The following FMN2 variants were observed in gnomAD, a reference collection of about 807,000 sequenced individuals.
FMN2 encodes formin-2.
A neutral mutation model predicts 142.3 loss-of-function variants in FMN2; 51 were observed. That is an observed-to-expected ratio of 0.36 (90% CI 0.29 to 0.45). The LOEUF (loss-of-function observed/expected upper bound fraction) is 0.45. FMN2 is among the 20% of genes least tolerant of loss of function. The pLI is 1.00. For missense variants in FMN2, 1,936 were observed against 2,122.8 expected, an observed-to-expected ratio of 0.91 and a Z score of 1.73; for synonymous variants, 882 against 869.8, an observed-to-expected ratio of 1.01 and a Z score of -0.25.
rs780698754 is a variant in FMN2, at chr1:240,206,982, G to C, written c.2170G>C (p.Glu724Gln). 18 of 1,614,020 alleles carry C rather than the reference G, an allele frequency of 1.1e-5. No homozygotes were observed. In the South Asian group the frequency reaches 1.2e-4, roughly 11 times the overall value. ...GACAGCCTCAGGCGATGTCTGTCTC[G>C]AAGCTCTCAGGTTAGAAGAAAAGGA... ...GVTASGDVCLEALRLEEKEVR... is the reference protein window; with the variant it reads ...GVTASGDVCLQALRLEEKEVR... The change falls in exon 5 of 18, where the codon GAA becomes CAA. Residue 724 changes from glutamate to glutamine, a missense_variant. Coordinates refer to ENST00000319653, the MANE Select transcript of FMN2 (RefSeq NM_020066.5).
rs769498638 is a variant in FMN2, at chr1:240,092,532, G to T, written c.423G>T (p.Val141=). 3.7e-6 allele frequency: 6 copies of T among 1,610,804 alleles called. No individual in the cohort carries two copies. The highest frequency in any genetic ancestry group is 1.7e-5 in the Admixed American group (1 of 59,500). Residue 141 remains valine, a synonymous_variant, in exon 1 of 18, where the codon GTG becomes GTT. Coordinates refer to ENST00000319653, the MANE Select transcript of FMN2 (RefSeq NM_020066.5). ...CCGAGTGTGCGGACCCTTTTGAGGT[G>T]ACCGGTCCAGGGGGTCCTGGGCCTG... The part of the protein sequence containing the change: ...SDTECADPFE[V]TGPGGPGPAE...
At chr1:240,438,920 C>T (rs1558107450) in intron 16 of FMN2, among the ~76,000 whole-genome samples, 2 of 152,128 alleles carry the variant, frequency 1.3e-5, no homozygotes, top group Non-Finnish European at 2.9e-5. Flanking sequence ...TAATGCCAAA[C>T]TAACTAGTAT....
intron 6 of FMN2, among the ~76,000 whole-genome samples, chr1:240,216,919 A>G (rs1317771425): frequency 1.3e-5 from 2 of 151,892 alleles, no homozygotes; most frequent in Non-Finnish European, 2.9e-5. Flanking sequence ...ACTACACTCC[A>G]GCCTGGGCAA....
intron 2 of FMN2, among the ~76,000 whole-genome samples, chr1:240,142,501 T>TTATTTATTTATTTATTTATTTATATA (rs1164646678): frequency 1.4e-3 from 113 of 78,664 alleles, no homozygotes; most frequent in Middle Eastern, 5.8e-3. Flanking sequence ...TTATTTATAT[T>TTATTTATTTATTTATTTATTTATATA]TTTTGGGGGG....
chr1:240,205,929 T>G (rs1666335880), intron 4 of FMN2, among the ~76,000 whole-genome samples: 1 of 141,972 alleles, frequency 7.0e-6, no homozygotes, highest in Non-Finnish European at 1.5e-5. Flanking sequence ...AGTGTCTCAC[T>G]CTGTTTCCCA....
rs532021443 is a variant in FMN2, at chr1:240,129,767, G to C, written c.1782+6422G>C. Reference sequence around the variant, plus strand: ...ATCCACCCCCTCAGCCTCCCAAAGTGCTGGAATTACAGGCATGAGCCATCA... The same window carrying C: ...ATCCACCCCCTCAGCCTCCCAAAGTCCTGGAATTACAGGCATGAGCCATCA... On this transcript the variant is annotated intron_variant, in intron 2 of 17. Coordinates refer to ENST00000319653, the MANE Select transcript of FMN2 (RefSeq NM_020066.5). 2.6e-5 allele frequency among the ~76,000 whole-genome samples: 4 copies of C among 152,182 alleles called. No homozygotes were observed. In the South Asian group the frequency reaches 8.3e-4, roughly 32 times the overall value.
At chr1:240,439,046 G>A (rs1264276317) in intron 16 of FMN2, among the ~76,000 whole-genome samples, 1 of 152,048 alleles carries the variant, frequency 6.6e-6, no homozygotes, top group Non-Finnish European at 1.5e-5. Flanking sequence ...GCCAAGGCAG[G>A]CAGATCACTT....
At chr1:240,305,272 T>A (rs1309233176) in intron 8 of FMN2, among the ~76,000 whole-genome samples, 3 of 152,208 alleles carry the variant, frequency 2.0e-5, no homozygotes, top group Admixed American at 1.3e-4. Flanking sequence ...CTGTATTTAA[T>A]CATTTCTTTT....
In FMN2 at chr1:240,368,671, T is replaced by C. The variant is rs890643697; in HGVS notation, c.4858+12763T>C. ...TGCTATGTAGTTTCTTTTTTCTTCCTTTTTTCTGGTCATTTTGCACTGTGT... is the reference window on the plus strand; with the variant it reads ...TGCTATGTAGTTTCTTTTTTCTTCCCTTTTTCTGGTCATTTTGCACTGTGT... On this transcript the variant is annotated intron_variant, in intron 14 of 17. Coordinates refer to ENST00000319653, the MANE Select transcript of FMN2 (RefSeq NM_020066.5). Among the ~76,000 whole-genome samples the C allele has an allele frequency of 3.6e-5, 5 of 137,144 alleles. No homozygotes were observed. In the East Asian group the frequency reaches 8.3e-4, roughly 23 times the overall value. 90.0% of individuals were successfully genotyped at this position (137,144 alleles called of 152,430 possible). A position where few individuals can be genotyped will look rare whatever the true frequency, so the allele number is the denominator to read the frequency against.
intron 8 of FMN2, among the ~76,000 whole-genome samples, chr1:240,319,323 G>A (rs565420146): frequency 6.6e-6 from 1 of 152,152 alleles, no homozygotes; most frequent in African/African-American, 2.4e-5. Flanking sequence ...GAGAGAAAAT[G>A]AATAAAGGAA....
At chr1:240,152,817 G>A (rs2103275193) in intron 2 of FMN2, among the ~76,000 whole-genome samples, 1 of 152,270 alleles carries the variant, frequency 6.6e-6, no homozygotes, top group Admixed American at 6.5e-5. Context: ...TATTTTGCAA[G>A]TCACCACCTC....
intron 6 of FMN2, among the ~76,000 whole-genome samples, chr1:240,227,495 G>A (rs1667352757): frequency 6.6e-6 from 1 of 152,026 alleles, no homozygotes; most frequent in South Asian, 2.1e-4. Context: ...TCTCAGAATA[G>A]CCAAAACAAT....
chr1:240,219,625 C>T (rs1276731196), intron 6 of FMN2, among the ~76,000 whole-genome samples: 1 of 152,014 alleles, frequency 6.6e-6, no homozygotes, highest in Non-Finnish European at 1.5e-5. Flanking sequence ...AAAGCCATAA[C>T]CATTTGCAAA....
chr1:240,154,107 CAAAAA>C (rs3047182), intron 2 of FMN2, among the ~76,000 whole-genome samples: 10 of 55,308 alleles, frequency 1.8e-4, no homozygotes, highest in East Asian at 1.3e-3. Context: ...GAGATTCCAT[CAAAAA>C]AAAAAAAAAA....
At position 240,206,998 on chromosome 1, in the gene FMN2, A is replaced by C; in HGVS notation, c.2186A>C (p.Glu729Ala). Residue 729 changes from glutamate (E) to alanine (A), a missense_variant, in exon 5 of 18, where the codon GAA becomes GCA. This residue lies in a region of FMN2 where 478 missense variants were observed against 462.8 expected (regional missense o/e 1.03). Transcript: ENST00000319653. Reference sequence around the variant, plus strand: ...GTCTGTCTCGAAGCTCTCAGGTTAGAAGAAAAGGAAGTACGGCATCATAGG... The same window carrying C: ...GTCTGTCTCGAAGCTCTCAGGTTAGCAGAAAAGGAAGTACGGCATCATAGG... ...GDVCLEALRLEEKEVRHHRIL... is the reference protein window; with the variant it reads ...GDVCLEALRLAEKEVRHHRIL... 1 of 1,614,160 alleles carries C rather than the reference A, an allele frequency of 6.2e-7. No individual in the cohort carries two copies. The highest frequency in any genetic ancestry group is 8.5e-7 in the Non-Finnish European group (1 of 1,180,014).
intron 8 of FMN2, among the ~76,000 whole-genome samples, chr1:240,317,767 A>C (rs909555421): frequency 1.3e-5 from 2 of 152,208 alleles, no homozygotes; most frequent in Non-Finnish European, 1.5e-5. Flanking sequence ...ATAAATGCCC[A>C]GGACTGCAAT....
intron 4 of FMN2, among the ~76,000 whole-genome samples, chr1:240,203,638 G>A (rs1430209020): frequency 6.6e-6 from 1 of 152,054 alleles, no homozygotes; most frequent in Non-Finnish European, 1.5e-5. Flanking sequence ...TGGGGAACAA[G>A]GCACACTGGG....
intron 2 of FMN2, among the ~76,000 whole-genome samples, chr1:240,166,370 C>A (rs1050179433): frequency 8.6e-5 from 13 of 151,850 alleles, no homozygotes; most frequent in African/African-American, 2.9e-4. Flanking sequence ...AGTGAGATTG[C>A]AGGTGCCAGC....
intron 14 of FMN2, among the ~76,000 whole-genome samples, chr1:240,366,707 A>G (rs1265082368): frequency 6.6e-6 from 1 of 151,584 alleles, no homozygotes; most frequent in African/African-American, 2.4e-5. Context: ...ATGAGTCACC[A>G]CACCTGGCTA....
Sources: gnomAD v4.1 joint callset for allele counts (sites outside exome capture counted in the v4.1 genomes callset) on GRCh38, gnomAD v4.1.1 for gene constraint, gnomAD v4.1.1 regional missense constraint, MANE v1.5 for transcripts, NCBI Gene and HGNC (gene_info 2026-07-23, HGNC 2026-07-21) for gene names.